Variants in SLC19A1 observed in about 807,000 individuals in gnomAD.
SLC19A1 encodes the protein reduced folate transporter.
Under a neutral mutation model 35.3 loss-of-function variants are expected in SLC19A1, and 37 were observed. The observed-to-expected ratio is 1.05, with a 90% confidence interval of 0.81 to 1.38. The LOEUF (loss-of-function observed/expected upper bound fraction) is 1.38, where lower values mean the gene tolerates loss of function less well. Ranked by LOEUF, SLC19A1 falls within the 40% of genes most tolerant of loss-of-function variation. SLC19A1 has a pLI of 0.00. For missense variants in SLC19A1, 831 were observed against 826.9 expected (o/e 1.00, Z -0.06); for synonymous variants, 460 against 398.5 (o/e 1.15, Z -1.84).
In SLC19A1 at chr21:45,537,843, C is replaced by T. The variant is rs758162731; in HGVS notation, c.117G>A (p.Ala39=). 3.9e-5 allele frequency: 62 copies of T among 1,607,752 alleles called. No homozygotes were observed. Among genetic ancestry groups the T allele is most frequent in the Non-Finnish European group, 4.8e-5 (57 of 1,178,438 alleles). ...TGAAGCTCTCCCCTGGCCGTATCTG[C>T]GCCATGAAGCCGTAGAAGCAAAGGT... The part of the protein sequence containing the change: ...VCYLCFYGFM[A]QIRPGESFIT... Residue 39 remains alanine, a synonymous_variant, in exon 2 of 6, where the codon GCG becomes GCA. Transcript: ENST00000311124.
intron 3 of SLC19A1, among the ~76,000 whole-genome samples, chr21:45,503,200 G>C (rs142514529): frequency 6.5e-4 from 99 of 152,272 alleles, no homozygotes; most frequent in African/African-American, 2.2e-3. Context: ...GTGTAAAAGT[G>C]TTCCTATTTC....
chr21:45,520,131 G>A (rs2077394387), intron 5 of SLC19A1, among the ~76,000 whole-genome samples: 2 of 152,074 alleles, frequency 1.3e-5, no homozygotes, highest in African/African-American at 2.4e-5. Context: ...ACACTGAAAT[G>A]AATGAAAATG....
At chr21:45,537,745 C>T (rs754771084) in intron 2 of SLC19A1, 26 bp downstream of exon 2, 15 of 1,267,058 alleles carry the variant, frequency 1.2e-5, no homozygotes, top group African/African-American at 6.6e-5. Context: ...CACAGGCGGC[C>T]GCCCGGCACC....
In SLC19A1 at chr21:45,517,686, G is replaced by A. The variant is rs1028072663; in HGVS notation, c.1294-1546C>T. On this transcript the variant is annotated intron_variant, in intron 5 of 5. Transcript: ENST00000311124. This position sits in a 1 kb window ranked among gnomAD's most constrained non-coding sequence, Gnocchi z 4.4. ...CCCTCCATGCTGGGGGGTGTCAGAGGAGGTCAAGCGGGAGTCCAGACTTTC... is the reference window on the plus strand; with the variant it reads ...CCCTCCATGCTGGGGGGTGTCAGAGAAGGTCAAGCGGGAGTCCAGACTTTC... Among the ~76,000 whole-genome samples, 1 of 152,162 alleles carries A rather than the reference G, an allele frequency of 6.6e-6. No individual in the cohort carries two copies. Among genetic ancestry groups the A allele is most frequent in the Non-Finnish European group, 1.5e-5 (1 of 68,014 alleles).
intron 3 of SLC19A1, chr21:45,505,181 T>A: frequency 6.2e-7 from 1 of 1,606,524 alleles, no homozygotes; most frequent in Non-Finnish European, 8.5e-7. Context: ...CACCTGGACC[T>A]CAGGGACCCC....
chr21:45,543,703 T>A (rs36230814), upstream of SLC19A1: 20 of 152,472 alleles, frequency 1.3e-4, no homozygotes, highest in African/African-American at 4.3e-4. Flanking sequence ...TTAAAAAGGA[T>A]TTGTTGGCTG....
upstream of SLC19A1, chr21:45,544,150 C>T (rs1364496029): frequency 6.6e-6 from 1 of 152,322 alleles, no homozygotes; most frequent in Non-Finnish European, 1.5e-5. Flanking sequence ...TCTCTCCGGT[C>T]AGGTGTAGCC....
At chr21:45,512,214 C>G (rs750175097), downstream of SLC19A1, 1 of 1,612,282 alleles carries the variant, frequency 6.2e-7, no homozygotes, top group Non-Finnish European at 8.5e-7. Context: ...TGGCATGGCT[C>G]GGACCCCAAC....
rs2077891003 is a variant in SLC19A1 at position 45,531,375 on chromosome 21, C to G, written c.949+14G>C. ...CTCTGCGGGAAGAAGCCTCGGGGAC[C>G]AGGGCATGCGTACCCAGCAGCGTGG... On this transcript the variant is annotated intron_variant, in intron 3 of 5. Coordinates refer to ENST00000311124, the MANE Select transcript of SLC19A1 (RefSeq NM_194255.4). 1 of 1,551,380 alleles carries G rather than the reference C, an allele frequency of 6.4e-7. No individual in the cohort carries two copies. Among genetic ancestry groups the G allele is most frequent in the African/African-American group, 1.4e-5 (1 of 73,254 alleles).
chr21:45,526,305 G>C (rs149335178), intron 4 of SLC19A1, among the ~76,000 whole-genome samples: 241 of 152,364 alleles, frequency 1.6e-3, no homozygotes, highest in African/African-American at 5.5e-3. Context: ...TGGAACCCAA[G>C]TCTAAACACG....
intron 5 of SLC19A1, among the ~76,000 whole-genome samples, chr21:45,519,207 A>G (rs989086838): frequency 6.6e-6 from 1 of 152,198 alleles, no homozygotes; most frequent in Non-Finnish European, 1.5e-5. Context: ...AAAACACAAT[A>G]GATAAACCAA....
rs1436628865 is a variant in SLC19A1 at position 45,514,334 on chromosome 21, T to A, written c.*1324A>T. 1 of 152,182 alleles carries A rather than the reference T, an allele frequency of 6.6e-6. No individual in the cohort carries two copies. Among genetic ancestry groups the A allele is most frequent in the Non-Finnish European group, 1.5e-5 (1 of 68,112 alleles). The allele number at this position is 152,182 out of a possible 1,614,324, so 9.4% of individuals were successfully genotyped here. A position where few individuals can be genotyped will look rare whatever the true frequency, so the allele number is the denominator to read the frequency against. On this transcript the variant is annotated 3_prime_UTR_variant, in exon 6 of 6. Transcript: ENST00000311124. ...ACCTGGGACCATGGCCCTGTCTGACTGGCACCATCCACTGACTCGGGCCAT... is the reference window on the plus strand; with the variant it reads ...ACCTGGGACCATGGCCCTGTCTGACAGGCACCATCCACTGACTCGGGCCAT...
chr21:45,533,255 A>T lies in SLC19A1; in HGVS notation c.190-1107T>A, dbSNP rs1213742349. On this transcript the variant is annotated intron_variant, in intron 2 of 5. Coordinates refer to ENST00000311124, the MANE Select transcript of SLC19A1 (RefSeq NM_194255.4). The surrounding 1 kb of genome is among the most constrained non-coding windows in gnomAD (Gnocchi z 4.5). ...GCCTGGCTTCCATGCCTGTGGCCTC[A>T]ACACACATCCACCTTCCATGGGAAC... Among the ~76,000 whole-genome samples, 2 of 150,264 alleles carry T rather than the reference A, an allele frequency of 1.3e-5. No individual in the cohort carries two copies. The highest frequency in any genetic ancestry group is 3.0e-5 in the Non-Finnish European group (2 of 67,382).
chr21:45,521,065 T>C (rs1252853132), intron 5 of SLC19A1, among the ~76,000 whole-genome samples: 2 of 144,122 alleles, frequency 1.4e-5, no homozygotes, highest in East Asian at 4.0e-4. Context: ...GGGAGGACCA[T>C]ACACAGAAAA....
chr21:45,555,763 G>A, intron 1 of SLC19A1, among the ~76,000 whole-genome samples: 1 of 152,134 alleles, frequency 6.6e-6, no homozygotes, highest in Non-Finnish European at 1.5e-5. Flanking sequence ...AGCGACCCAC[G>A]CAGAGTTCCG....
chr21:45,506,868 C>T (rs2037240350), intron 3 of SLC19A1: 1 of 190,316 alleles, frequency 5.3e-6, no homozygotes, highest in Non-Finnish European at 1.1e-5. Context: ...CCCTGCAGCA[C>T]CCCAGACAGT....
downstream of SLC19A1, among the ~76,000 whole-genome samples, chr21:45,511,491 T>C (rs1334459424): frequency 2.6e-5 from 4 of 152,134 alleles, no homozygotes; most frequent in Non-Finnish European, 4.4e-5. Flanking sequence ...ATAGACTCCA[T>C]GTCTCCCGGA....
chr21:45,510,120 G>T, downstream of SLC19A1: 1 of 1,598,518 alleles, frequency 6.3e-7, no homozygotes. Flanking sequence ...GCATCCGCGG[G>T]GCCGACTTCC....
chr21:45,504,481 T>C lies in SLC19A1; in HGVS notation c.498-5869A>G, dbSNP rs2037061190. ...AAAGGGGGGAGCCCGGGGGCGGCGG[T>C]TTCTTCGGCTCCAGCCTGCCCGGCC... On this transcript the variant is annotated intron_variant, in intron 3 of 4. Transcript: ENST00000417954. 5 of 1,602,604 alleles carry C rather than the reference T, an allele frequency of 3.1e-6. No individual in the cohort carries two copies. The highest frequency in any genetic ancestry group is 4.3e-6 in the Non-Finnish European group (5 of 1,176,426).
Sources: allele counts gnomAD v4.1 joint callset (sites outside exome capture counted in the v4.1 genomes callset), GRCh38; gene constraint gnomAD v4.1.1; non-coding constraint Gnocchi (gnomAD v3.1); transcripts MANE v1.5; gene names NCBI Gene and HGNC (gene_info 2026-07-23, HGNC 2026-07-21).